Variants in MSN observed in about 807,000 individuals in gnomAD.
MSN encodes moesin, also known as epididymis luminal protein 70.
In MSN, 2 loss-of-function variants were observed where a neutral mutation model predicts 48.0. The observed-to-expected ratio is 0.04, with a 90% CI of 0.02 to 0.13. MSN has a LOEUF of 0.13. Ranked by LOEUF, MSN falls within the 10% of genes least tolerant of loss-of-function variation. The pLI, the probability that MSN is intolerant of heterozygous loss-of-function variation, is 1.00. For missense variants in MSN, 267 were observed against 470.1 expected (o/e 0.57, Z 3.99); for synonymous variants, 146 against 166.9 (o/e 0.87, Z 0.97).
chrX:65,676,628 G>C (rs1392174453), intron 1 of MSN, among the ~76,000 whole-genome samples: 1 of 111,312 alleles, frequency 9.0e-6, no homozygotes, highest in Non-Finnish European at 1.9e-5. Flanking sequence ...CTGGGGCCAA[G>C]GCCTAGGAGG....
rs769501693 is a variant in MSN, at chrX:65,737,160, C to T, written c.1091-18C>T. On this transcript the variant is annotated intron_variant, in intron 9 of 12. Coordinates refer to ENST00000360270, the MANE Select transcript of MSN (RefSeq NM_002444.3). ...TCTCTGTGCTCTTCACTGCCTTCTC[C>T]CCTCCTTTTCTGCTCAGAACTGGAA... 2 of 1,194,517 alleles carry T rather than the reference C, an allele frequency of 1.7e-6. No homozygotes were observed. The highest frequency in any genetic ancestry group is 3.5e-5 in the African/African-American group (2 of 56,653).
chrX:65,617,631 A>G (rs1412350177), intron 1 of MSN, among the ~76,000 whole-genome samples: 1 of 98,685 alleles, frequency 1.0e-5, no homozygotes, highest in Non-Finnish European at 2.0e-5. Context: ...CGGTCTATCA[A>G]TTTTGTTGAT....
At chrX:65,736,205 C>T (rs1569468743) in intron 8 of MSN, among the ~76,000 whole-genome samples, 1 of 111,279 alleles carries the variant, frequency 9.0e-6, no homozygotes, top group Admixed American at 9.5e-5. Flanking sequence ...GATAGGGGAA[C>T]AAGAGCAAAG....
intron 7 of MSN, among the ~76,000 whole-genome samples, chrX:65,734,555 C>T (rs1451723793): frequency 8.9e-6 from 1 of 111,769 alleles, no homozygotes; most frequent in Non-Finnish European, 1.9e-5. Context: ...TGGTGCCCAT[C>T]AGCTGGTGAC....
chrX:65,603,044 A>C (rs1241330578), intron 1 of MSN, among the ~76,000 whole-genome samples: 2 of 112,343 alleles, frequency 1.8e-5, no homozygotes, highest in Admixed American at 1.9e-4. Context: ...CTGTAATCCC[A>C]GCACTTTGGG....
chrX:65,700,551 C>G (rs1032047406), intron 1 of MSN, among the ~76,000 whole-genome samples: 5 of 111,145 alleles, frequency 4.5e-5, no homozygotes, highest in African/African-American at 1.3e-4. Flanking sequence ...GATGGGGAGC[C>G]CTTTGGGTCA....
At chrX:65,663,215 G>A (rs1036509123), upstream of MSN, among the ~76,000 whole-genome samples, 14 of 107,310 alleles carry the variant, frequency 1.3e-4, no homozygotes, top group South Asian at 4.1e-4. Flanking sequence ...CCACGATCAC[G>A]CCATTGCACT....
chrX:65,661,945 C>T (rs776801306), intron 1 of MSN, among the ~76,000 whole-genome samples: 35 of 112,344 alleles, frequency 3.1e-4, no homozygotes, highest in South Asian at 7.3e-4. Context: ...ACTCAGTAGG[C>T]GGAGGTTGCA....
chrX:65,623,209 A>AT (rs762345540), intron 1 of MSN, among the ~76,000 whole-genome samples: 1,953 of 106,018 alleles, frequency 0.018, 89 homozygotes, highest in African/African-American at 0.063. Flanking sequence ...TTTAGTCTGT[A>AT]TTTTTTTTTT....
At chrX:65,631,845 C>G (rs2070561485) in intron 1 of MSN, among the ~76,000 whole-genome samples, 1 of 111,168 alleles carries the variant, frequency 9.0e-6, no homozygotes, top group African/African-American at 3.3e-5. Context: ...CTGATTTTTT[C>G]ATTTTTATAT....
chrX:65,663,258 C>CAA (rs59074461), upstream of MSN, among the ~76,000 whole-genome samples: 201 of 70,879 alleles, frequency 2.8e-3, no homozygotes, highest in African/African-American at 0.01. Context: ...AACTTTGTCT[C>CAA]AAAAAAAAAA....
At chrX:65,703,864 G>T (rs747216370) in intron 1 of MSN, among the ~76,000 whole-genome samples, 1 of 112,023 alleles carries the variant, frequency 8.9e-6, no homozygotes, top group African/African-American at 3.2e-5. Context: ...GAGCCACCAC[G>T]CTCAGCTGGA....
rs781526249 is a variant in MSN at position 65,739,039 on chromosome X, G to A, written c.1414G>A (p.Val472Met). The stretch of plus-strand genomic sequence containing the variant: ...GAAGACTGCCATGAGTACACCTCAT[G>A]TGGCAGAGCCTGCTGAGAATGAGCA... ...ELKTAMSTPH[V>M]AEPAENEQDE... is the part of the protein sequence containing the mutation. The change falls in exon 12 of 13, where the codon GTG becomes ATG. Residue 472 changes from valine to methionine, a missense_variant. Physicochemically the swap from Val to Met is conservative, Grantham distance 21. Transcript: ENST00000360270. The A allele has an allele frequency of 2.5e-6, 3 of 1,210,448 alleles. No homozygotes were observed. The highest frequency in any genetic ancestry group is 2.2e-5 in the Admixed American group (1 of 45,864).
At chrX:65,693,910 G>A (rs1406539783) in intron 1 of MSN, among the ~76,000 whole-genome samples, 1 of 110,517 alleles carries the variant, frequency 9.0e-6, no homozygotes, top group African/African-American at 3.3e-5. Context: ...AAAATTAGCC[G>A]GGCATGGTGG....
At chrX:65,681,718 T>C (rs927926190) in intron 1 of MSN, among the ~76,000 whole-genome samples, 1 of 111,967 alleles carries the variant, frequency 8.9e-6, no homozygotes, top group Non-Finnish European at 1.9e-5. Context: ...ATTCATTCAG[T>C]GCACTAATGC....
intron 1 of MSN, among the ~76,000 whole-genome samples, chrX:65,616,212 C>G (rs1162845560): frequency 6.4e-5 from 7 of 109,842 alleles, no homozygotes; most frequent in Non-Finnish European, 9.5e-5. Flanking sequence ...TCCATATGAA[C>G]TTTAAAGTGG....
intron 1 of MSN, among the ~76,000 whole-genome samples, chrX:65,702,833 T>A (rs750373100): frequency 8.1e-5 from 9 of 111,693 alleles, no homozygotes; most frequent in Non-Finnish European, 1.7e-4. Context: ...GGAAGGAAGA[T>A]CAGGCAGCCT....
At chrX:65,611,209 G>T (rs1462529945) in intron 1 of MSN, among the ~76,000 whole-genome samples, 1 of 104,596 alleles carries the variant, frequency 9.6e-6, no homozygotes, top group Admixed American at 1.0e-4. Context: ...ATCCAGGCTG[G>T]CGTGCAGTGG....
At chrX:65,626,988 TG>T (rs1277869404) in intron 1 of MSN, among the ~76,000 whole-genome samples, 3 of 111,729 alleles carry the variant, frequency 2.7e-5, no homozygotes, top group African/African-American at 9.8e-5. Context: ...CTGGAGGAGA[TG>T]GGACAAGGAC....
Sources: allele counts gnomAD v4.1 joint callset (sites outside exome capture counted in the v4.1 genomes callset), GRCh38; gene constraint gnomAD v4.1.1; transcripts MANE v1.5; gene names NCBI Gene and HGNC (gene_info 2026-07-23, HGNC 2026-07-21).